The following ERC2 variants were observed in gnomAD, a reference collection of about 807,000 sequenced individuals.
ERC2 encodes ELKS/RAB6-interacting/CAST family member 2.
ERC2 carries 42 observed loss-of-function variants against 114.8 expected under a neutral mutation model. The observed-to-expected ratio is 0.37, with a 90% CI of 0.29 to 0.47. The LOEUF is 0.47. Among genes scored for constraint, ERC2 ranks in the 20% least tolerant of loss-of-function variants. The pLI is 0.99. For synonymous variants in ERC2, 454 were observed against 425.5 expected, an observed-to-expected ratio of 1.07 and a Z score of -0.82; for missense variants, 939 against 1,150.7, an observed-to-expected ratio of 0.82 and a Z score of 2.66.
intron 3 of ERC2, among the ~76,000 whole-genome samples, chr3:56,206,777 C>T (rs1409079838): frequency 6.6e-6 from 1 of 152,216 alleles, no homozygotes. Context: ...CCCCTTCCTC[C>T]CATTTGTGAA....
chr3:55,760,445 C>T (rs1298333387), intron 14 of ERC2, among the ~76,000 whole-genome samples: 1 of 152,170 alleles, frequency 6.6e-6, no homozygotes, highest in Non-Finnish European at 1.5e-5. Context: ...TATTCCTTCA[C>T]TTTAGTTCAG....
chr3:56,040,049 A>C (rs1195894227), intron 7 of ERC2, among the ~76,000 whole-genome samples: 2 of 152,170 alleles, frequency 1.3e-5, no homozygotes, highest in Non-Finnish European at 2.9e-5. Context: ...GCCCAAAGAA[A>C]ACATAAGGAA....
chr3:56,007,245 G>A lies in ERC2; in HGVS notation c.1997C>T (p.Ser666Phe). Residue 666 changes from serine to phenylalanine, a missense_variant, in exon 10 of 18, where the codon TCT (serine) becomes TTT (phenylalanine). Transcript: ENST00000288221. ...CTTTTGTTCAATGGCTATTTCTAGA[G>A]ATTTTAATTTGGAATCCCTTTTCAG... The part of the protein sequence containing the change: ...AGLKRDSKLK[S>F]LEIAIEQKKE... The A allele has an allele frequency of 6.3e-7, 1 of 1,587,662 alleles. No homozygotes were observed. The highest frequency in any genetic ancestry group is 2.3e-5 in the East Asian group (1 of 44,126).
intron 14 of ERC2, among the ~76,000 whole-genome samples, chr3:55,854,880 C>A (rs1204272628): frequency 6.6e-6 from 1 of 152,002 alleles, no homozygotes; most frequent in Non-Finnish European, 1.5e-5. Flanking sequence ...TGGGATGGTG[C>A]CTCTGCTCTT....
At chr3:55,692,211 C>T (rs1019919134) in intron 16 of ERC2, among the ~76,000 whole-genome samples, 1 of 152,102 alleles carries the variant, frequency 6.6e-6, no homozygotes. Flanking sequence ...GAAAAGCTGG[C>T]CCTGCATTCA....
intron 16 of ERC2, among the ~76,000 whole-genome samples, chr3:55,694,478 T>C (rs746020752): frequency 6.6e-6 from 1 of 152,200 alleles, no homozygotes; most frequent in African/African-American, 2.4e-5. Flanking sequence ...GCTCCTAAAC[T>C]CATAGCCCTC....
intron 2 of ERC2, among the ~76,000 whole-genome samples, chr3:56,336,611 T>C (rs890216388): frequency 1.3e-5 from 2 of 151,990 alleles, no homozygotes; most frequent in African/African-American, 4.8e-5. Context: ...CTGGCCAACA[T>C]GGTGAAACCC....
intron 17 of ERC2, among the ~76,000 whole-genome samples, chr3:55,567,989 C>T (rs1290320624): frequency 6.6e-6 from 1 of 152,166 alleles, no homozygotes; most frequent in Non-Finnish European, 1.5e-5. Flanking sequence ...AGTGGTTTTT[C>T]ATTTCTTTCT....
intron 2 of ERC2, among the ~76,000 whole-genome samples, chr3:56,409,517 G>GAAA (rs558292657): frequency 3.9e-5 from 3 of 77,660 alleles, no homozygotes; most frequent in Non-Finnish European, 5.8e-5. Flanking sequence ...AAGCTAGACA[G>GAAA]AAAAAAAAAA....
rs1576549706 is a variant in ERC2, at chr3:56,010,379, C to T, written c.1920+70G>A. 7 of 1,539,618 alleles carry T rather than the reference C, an allele frequency of 4.5e-6. No homozygotes were observed. In the East Asian group the frequency reaches 1.1e-4, roughly 25 times the overall value. ...CAGTGCCTCCTACTAAGTCTCTAGT[C>T]TCTTGCAGCTTCATTGAATATGGGT... On this transcript the variant is annotated intron_variant, in intron 9 of 17. Coordinates refer to ENST00000288221, the MANE Select transcript of ERC2 (RefSeq NM_015576.3).
intron 7 of ERC2, among the ~76,000 whole-genome samples, chr3:56,060,086 G>A (rs992299177): frequency 2.0e-5 from 3 of 152,116 alleles, no homozygotes; most frequent in Non-Finnish European, 4.4e-5. Context: ...CTGTATCAAA[G>A]TCATAATTTT....
At chr3:55,967,047 T>C (rs913875442) in intron 12 of ERC2, among the ~76,000 whole-genome samples, 6 of 152,160 alleles carry the variant, frequency 3.9e-5, no homozygotes, top group Non-Finnish European at 8.8e-5. Flanking sequence ...CTAAAAACTA[T>C]CTGATACTCC....
chr3:56,301,717 A>T (rs76575301), intron 2 of ERC2, among the ~76,000 whole-genome samples: 8,092 of 44,664 alleles, frequency 0.18, 505 homozygotes, highest in African/African-American at 0.28. Flanking sequence ...AATAAAAATA[A>T]AAAAAAAAAT....
At chr3:55,541,449 G>C (rs2054388903) in intron 17 of ERC2, among the ~76,000 whole-genome samples, 1 of 152,192 alleles carries the variant, frequency 6.6e-6, no homozygotes, top group South Asian at 2.1e-4. Flanking sequence ...TACATGACAA[G>C]AGCCCTGGTG....
At chr3:56,006,529 G>A (rs11708323) in intron 10 of ERC2, among the ~76,000 whole-genome samples, 9,043 of 151,998 alleles carry the variant, frequency 0.059, 396 homozygotes, top group Non-Finnish European at 0.092. Flanking sequence ...ACAACACAGG[G>A]AAAAAGTCAA....
At chr3:56,028,789 T>C (rs2074203704) in intron 7 of ERC2, among the ~76,000 whole-genome samples, 1 of 152,076 alleles carries the variant, frequency 6.6e-6, no homozygotes, top group Non-Finnish European at 1.5e-5. Flanking sequence ...CAAAAAAGGA[T>C]GACACTTTTT....
intron 11 of ERC2, 66 bp downstream of exon 11, chr3:55,991,991 G>A (rs1395186691): frequency 1.6e-5 from 23 of 1,436,480 alleles, no homozygotes; most frequent in Admixed American, 9.1e-5. Flanking sequence ...CACCACAACC[G>A]GAGATGGGCA....
chr3:56,062,299 A>C (rs2076275275), intron 7 of ERC2, among the ~76,000 whole-genome samples: 1 of 152,224 alleles, frequency 6.6e-6, no homozygotes, highest in Admixed American at 6.5e-5. Context: ...TTCAGGCTTC[A>C]GGGCAAAACT....
intron 14 of ERC2, among the ~76,000 whole-genome samples, chr3:55,791,832 A>G (rs758235832): frequency 1.3e-5 from 2 of 152,080 alleles, no homozygotes; most frequent in African/African-American, 2.4e-5. Context: ...TCTGCCCTTT[A>G]TTTAACTGTT....
Sources: gnomAD v4.1 joint callset for allele counts (sites outside exome capture counted in the v4.1 genomes callset) on GRCh38, gnomAD v4.1.1 for gene constraint, MANE v1.5 for transcripts, NCBI Gene and HGNC (gene_info 2026-07-23, HGNC 2026-07-21) for gene names.